The following CEACAM4 variants were observed in gnomAD, a reference collection of about 807,000 sequenced individuals.
CEACAM4 encodes the protein cell adhesion molecule CEACAM4.
In CEACAM4, 30 loss-of-function variants were observed where a neutral mutation model predicts 28.7. The observed-to-expected ratio is 1.05, with a 90% CI of 0.78 to 1.42. The LOEUF (loss-of-function observed/expected upper bound fraction) is 1.42, where lower values mean the gene tolerates loss of function less well. Among genes scored for constraint, CEACAM4 ranks in the 40% most tolerant of loss-of-function variants. The pLI, the probability that CEACAM4 is intolerant of heterozygous loss-of-function variation, is 0.00. For missense variants in CEACAM4, 330 were observed against 308.2 expected, an observed-to-expected ratio of 1.07 and a Z score of -0.53; for synonymous variants, 143 against 126.5, an observed-to-expected ratio of 1.13 and a Z score of -0.87.
At chr19:41,621,432 C>G (rs1231941868) in intron 3 of CEACAM4, among the ~76,000 whole-genome samples, 3 of 147,776 alleles carry the variant, frequency 2.0e-5, no homozygotes, top group Admixed American at 2.0e-4. Context: ...TGTTAGGGAA[C>G]TAGGACAGCA....
chr19:41,625,276 C>T (rs1428889156), intron 2 of CEACAM4, among the ~76,000 whole-genome samples: 8 of 152,184 alleles, frequency 5.3e-5, no homozygotes, highest in Admixed American at 5.2e-4. Context: ...TCCCAGGACG[C>T]CCTCAGGCCA....
rs1555804662 is a variant in CEACAM4, at chr19:41,627,061, C to A, written c.-98G>T. ...ACTGTCGGCTGTCGGGGCTGCTGAC[C>A]TTCCTCCTTCTGTGCTGAGCCTCCT... On this transcript the variant is annotated 5_prime_UTR_variant, in exon 1 of 7. The change creates a new upstream start codon in the 5' untranslated region. Transcript: ENST00000221954. The A allele has an allele frequency of 1.9e-6, 2 of 1,042,494 alleles. No individual in the cohort carries two copies. Among genetic ancestry groups the A allele is most frequent in the Non-Finnish European group, 2.8e-6 (2 of 719,850 alleles). 64.6% of individuals were successfully genotyped at this position (1,042,494 alleles called of 1,614,324 possible).
intron 2 of CEACAM4, among the ~76,000 whole-genome samples, chr19:41,622,999 A>C (rs1171711492): frequency 6.6e-6 from 1 of 152,118 alleles, no homozygotes; most frequent in Admixed American, 6.5e-5. Context: ...AGCCTTTAGC[A>C]TATTAGCCAG....
chr19:41,626,298 T>C (rs2071660839), intron 1 of CEACAM4, among the ~76,000 whole-genome samples: 1 of 152,154 alleles, frequency 6.6e-6, no homozygotes, highest in Admixed American at 6.5e-5. Context: ...CTAGAGACCC[T>C]GGGTCTTCCC....
In CEACAM4 at chr19:41,625,895, T is replaced by C. The variant is rs200478248; in HGVS notation, c.130A>G (p.Ser44Gly). Residue 44 changes from serine to glycine, a missense_variant, in exon 2 of 7, where the codon AGT becomes GGT. Transcript: ENST00000221954. ...VQFTIEALPS[S>G]AAEGKDVLLL... ...AGAACATCCTTTCCCTCTGCAGCAC[T>C]GGACGGCAGGGCTTCAATAGTGAAC... 528 of 1,613,874 alleles carry C rather than the reference T, an allele frequency of 3.3e-4. 6 individuals are homozygous for C. The South Asian group carries it at 5.0e-3, about 15-fold the overall frequency.
chr19:41,619,364 C>A lies in CEACAM4; in HGVS notation c.701G>T (p.Cys234Phe). 6.2e-7 allele frequency: 1 copy of A among 1,614,074 alleles called. No individual in the cohort carries two copies. Among genetic ancestry groups the A allele is most frequent in the Non-Finnish European group, 8.5e-7 (1 of 1,179,944 alleles). ...ELLYSDANIYCQIDHKADVVS is the reference protein window; with the variant it reads ...ELLYSDANIYFQIDHKADVVS ...CACATCTGCTTTGTGGTCGATCTGGCAGTAAATGTTTGCATCAGAGTATAG... is the reference window on the plus strand; with the variant it reads ...CACATCTGCTTTGTGGTCGATCTGGAAGTAAATGTTTGCATCAGAGTATAG... Residue 234 changes from cysteine (C) to phenylalanine (F), a missense_variant, in exon 7 of 7, where the codon TGC becomes TTC. Transcript: ENST00000221954.
intron 2 of CEACAM4, among the ~76,000 whole-genome samples, chr19:41,622,458 G>C (rs1362566132): frequency 6.6e-6 from 1 of 152,142 alleles, no homozygotes; most frequent in African/African-American, 2.4e-5. Context: ...GATGAGCGGG[G>C]ATGATGTTCA....
At chr19:41,621,874 C>T in intron 2 of CEACAM4, 106 bp from the exon 3 acceptor site, 2 of 713,098 alleles carry the variant, frequency 2.8e-6, no homozygotes, top group Non-Finnish European at 5.0e-6. Flanking sequence ...GGAAATGCTC[C>T]AGAGCCTGAG....
intron 3 of CEACAM4, 62 bp downstream of exon 3, chr19:41,621,589 T>C: frequency 1.1e-6 from 1 of 878,512 alleles, no homozygotes; most frequent in Non-Finnish European, 1.9e-6. Flanking sequence ...GGGCGGGGTC[T>C]CCCTCCTCCC....
chr19:41,620,387 G>A (rs2071198485), intron 4 of CEACAM4, 145 bp from the exon 5 acceptor site: 2 of 885,364 alleles, frequency 2.3e-6, no homozygotes, highest in South Asian at 1.9e-5. Flanking sequence ...AGGTCGAGGA[G>A]GTGACCCACG....
chr19:41,623,245 T>C (rs1274272993), intron 2 of CEACAM4, among the ~76,000 whole-genome samples: 1 of 152,170 alleles, frequency 6.6e-6, no homozygotes, highest in Non-Finnish European at 1.5e-5. Flanking sequence ...ATCGAACTCC[T>C]GACCTCAGGT....
intron 1 of CEACAM4, among the ~76,000 whole-genome samples, chr19:41,626,536 A>C (rs916354235): frequency 5.3e-5 from 8 of 152,102 alleles, no homozygotes; most frequent in African/African-American, 1.9e-4. Flanking sequence ...TTTATTTCCC[A>C]GTGTCTGAGG....
rs1216409820 is a variant in CEACAM4 at position 41,627,021 on chromosome 19, G to T, written c.-58C>A. On this transcript the variant is annotated 5_prime_UTR_variant, in exon 1 of 7. Coordinates refer to ENST00000221954, the MANE Select transcript of CEACAM4 (RefSeq NM_001817.4). The stretch of plus-strand genomic sequence containing the variant: ...GGAGCTGGGCTCCAGGAACGCTCTT[G>T]TCAGAGCTGCTGTGACTGTCGGCTG... 3 of 1,473,052 alleles carry T rather than the reference G, an allele frequency of 2.0e-6. No individual in the cohort carries two copies. The highest frequency in any genetic ancestry group is 2.9e-5 in the African/African-American group (2 of 69,622). The allele number at this position is 1,473,052 out of a possible 1,614,324, so 91.2% of individuals were successfully genotyped here.
At chr19:41,620,139 G>A in intron 5 of CEACAM4, 72 bp downstream of exon 5, 4 of 1,343,034 alleles carry the variant, frequency 3.0e-6, no homozygotes, top group Non-Finnish European at 4.0e-6. Context: ...CTGTGGGGTT[G>A]ATGGTCCCCC....
At position 41,625,955 on chromosome 19, in the gene CEACAM4, G is replaced by A. The variant is rs139799036; in HGVS notation, c.70C>T (p.Leu24Phe). ...GTGGGCGGGTGCCAGAAGGTTAAAA[G>A]TGAGGCTAGGAGGTGAAGACAGCAT... The part of the protein sequence containing the change: ...PWQGLLITAS[L>F]LTFWHPPTTV... The change falls in exon 2 of 7, where the codon CTT (leucine) becomes TTT (phenylalanine). Residue 24 changes from leucine (L) to phenylalanine (F), a missense_variant. Leu to Phe is a conservative substitution (Grantham distance 22). Transcript: ENST00000221954. 710 of 1,608,020 alleles carry A rather than the reference G, an allele frequency of 4.4e-4. 8 individuals are homozygous for A. In the African/African-American group the frequency reaches 8.9e-3, roughly 20 times the overall value.
intron 6 of CEACAM4, 21 bp from the exon 7 acceptor site, chr19:41,619,416 C>A (rs1555800109): frequency 2.5e-6 from 4 of 1,612,522 alleles, no homozygotes; most frequent in East Asian, 4.5e-5. Context: ...AGAGAAGAGG[C>A]CTCAACCCCT....
chr19:41,615,449 G>C (rs1284365155), downstream of CEACAM4, among the ~76,000 whole-genome samples: 4 of 152,008 alleles, frequency 2.6e-5, no homozygotes, highest in African/African-American at 9.7e-5. Flanking sequence ...TGTCAGACAC[G>C]TGCCTTGGGT....
At chr19:41,613,592 A>C in the CEACAM4 span, among the ~76,000 whole-genome samples, 1 of 152,126 alleles carries the variant, frequency 6.6e-6, no homozygotes, top group South Asian at 2.1e-4. Flanking sequence ...CCCATGGGTC[A>C]AGGCCTTTAT....
chr19:41,619,776 A>T, intron 5 of CEACAM4, 65 bp from the exon 6 acceptor site: 1 of 1,372,056 alleles, frequency 7.3e-7, no homozygotes, highest in Non-Finnish European at 9.8e-7. Context: ...CCAGCCTGGA[A>T]GGTTCCTGTC....
Sources: gnomAD v4.1 joint callset for allele counts (sites outside exome capture counted in the v4.1 genomes callset) on GRCh38, gnomAD v4.1.1 for gene constraint, MANE v1.5 for transcripts, NCBI Gene and HGNC (gene_info 2026-07-23, HGNC 2026-07-21) for gene names.